The following RFC5 variants were observed in gnomAD, a reference collection of about 807,000 sequenced individuals.
The protein encoded by RFC5 is replication factor C subunit 5.
A neutral mutation model predicts 44.3 loss-of-function variants in RFC5; 26 were observed. The observed-to-expected ratio is 0.59, with a 90% CI of 0.43 to 0.81. RFC5 has a LOEUF of 0.81. RFC5 is among the 40% of genes least tolerant of loss of function. The pLI is 0.00. For missense variants in RFC5, 328 were observed against 418.6 expected, an observed-to-expected ratio of 0.78 and a Z score of 1.89; for synonymous variants, 155 against 155.2, an observed-to-expected ratio of 1.00 and a Z score of 0.01.
chr12:118,025,989 C>T (rs1044063138), intron 7 of RFC5, among the ~76,000 whole-genome samples, 161 bp downstream of exon 7: 2 of 151,678 alleles, frequency 1.3e-5, no homozygotes, highest in African/African-American at 4.8e-5. Flanking sequence ...ATTACAGGTG[C>T]CCGCCACCAC....
intron 7 of RFC5, 95 bp from the exon 8 acceptor site, chr12:118,026,794 C>T: frequency 7.2e-7 from 1 of 1,397,326 alleles, no homozygotes. Flanking sequence ...TGCTCACCTG[C>T]ATTGCTGCCT....
downstream of RFC5, chr12:118,035,096 G>C: frequency 6.2e-7 from 1 of 1,614,152 alleles, no homozygotes; most frequent in Non-Finnish European, 8.5e-7. Context: ...TGAGGAGTCT[G>C]GATGGGGAGA....
At chr12:118,032,539 C>G (rs1190002626), downstream of RFC5, 1 of 152,186 alleles carries the variant, frequency 6.6e-6, no homozygotes, top group Non-Finnish European at 1.5e-5. Context: ...ACGATCGTGG[C>G]TCGCTACAGC....
At chr12:118,027,622 A>C (rs572054451) in intron 8 of RFC5, among the ~76,000 whole-genome samples, 1 of 151,364 alleles carries the variant, frequency 6.6e-6, no homozygotes, top group Non-Finnish European at 1.5e-5. Context: ...CAGTGAGCCG[A>C]GGTCATGCCA....
At chr12:118,022,616 C>T (rs1242844379) in intron 5 of RFC5, among the ~76,000 whole-genome samples, 1 of 152,016 alleles carries the variant, frequency 6.6e-6, no homozygotes, top group Non-Finnish European at 1.5e-5. Context: ...AGGCATGCAC[C>T]ACCACACCCG....
chr12:118,026,532 G>A (rs909219496), intron 7 of RFC5, among the ~76,000 whole-genome samples: 1 of 152,192 alleles, frequency 6.6e-6, no homozygotes, highest in Admixed American at 6.5e-5. Context: ...CTAGGAGGTC[G>A]AGGCTACAGT....
the RFC5 span, among the ~76,000 whole-genome samples, chr12:118,038,847 A>G: frequency 2.0e-5 from 3 of 152,096 alleles, no homozygotes; most frequent in African/African-American, 4.8e-5. Context: ...CGCCCAGCTC[A>G]TTTTTGTACT....
chr12:118,029,643 C>T (rs1233071238), intron 9 of RFC5, 128 bp from the exon 10 acceptor site: 22 of 766,150 alleles, frequency 2.9e-5, no homozygotes, highest in Non-Finnish European at 7.2e-6. Context: ...GGTCTGGTAT[C>T]TAGTGAGCAG....
At position 118,031,236 on chromosome 12, in the gene RFC5, T is replaced by G. The variant is rs368413609; in HGVS notation, c.981T>G (p.Ala327=). ...AGATCCAGCTGAGCTCCCTCATTGCTGCATTTCAAGTCACCAGAGACCTGA... is the reference window on the plus strand; with the variant it reads ...AGATCCAGCTGAGCTCCCTCATTGCGGCATTTCAAGTCACCAGAGACCTGA... ...NEKIQLSSLI[A]AFQVTRDLIV... is the part of the protein sequence containing the mutation. The change falls in exon 11 of 11, where the codon GCT becomes GCG. Residue 327 remains alanine, a synonymous_variant. Coordinates refer to ENST00000454402, the MANE Select transcript of RFC5 (RefSeq NM_007370.7). The G allele has an allele frequency of 7.9e-5, 127 of 1,613,878 alleles. No individual in the cohort carries two copies. The highest frequency in any genetic ancestry group is 1.0e-4 in the Non-Finnish European group (123 of 1,179,920).
chr12:118,027,378 G>C (rs2031018812), intron 8 of RFC5: 1 of 194,860 alleles, frequency 5.1e-6, no homozygotes, highest in Admixed American at 5.8e-5. Context: ...AGCCTTTTTG[G>C]AAATGCATTT....
downstream of RFC5, chr12:118,034,922 T>TA (rs1209355713): frequency 5.7e-5 from 85 of 1,491,916 alleles, no homozygotes; most frequent in Non-Finnish European, 6.8e-5. Context: ...TTTCTTTCCT[T>TA]AAAAAGCTCC....
At chr12:118,022,022 T>C (rs182753157) in intron 4 of RFC5, among the ~76,000 whole-genome samples, 88 of 152,194 alleles carry the variant, frequency 5.8e-4, no homozygotes, top group Admixed American at 1.5e-3. Context: ...AGTAGCATGG[T>C]AGGGTGCCAT....
In RFC5 at chr12:118,018,792, G is replaced by A. The variant is rs2030283851; in HGVS notation, c.66-280G>A. On this transcript the variant is annotated intron_variant, in intron 1 of 10. Coordinates refer to ENST00000454402, the MANE Select transcript of RFC5 (RefSeq NM_007370.7). ...GCCCAGCTAATTTTTGTATTTTTTG[G>A]TATTTTTTATTGAATGGCATATTAT... Among the ~76,000 whole-genome samples, 3 of 151,882 alleles carry A rather than the reference G, an allele frequency of 2.0e-5. No homozygotes were observed. The South Asian group carries it at 6.2e-4, about 32-fold the overall frequency.
At chr12:118,017,030 T>G in intron 1 of RFC5, 138 bp downstream of exon 1, 1 of 700,834 alleles carries the variant, frequency 1.4e-6, no homozygotes, top group Admixed American at 2.2e-5. Flanking sequence ...GGGACCGACC[T>G]GCAGAGGTTT....
At chr12:118,022,054 A>C (rs1290706558) in intron 4 of RFC5, among the ~76,000 whole-genome samples, 2 of 152,226 alleles carry the variant, frequency 1.3e-5, no homozygotes, top group Non-Finnish European at 2.9e-5. Context: ...TGAAGATGCC[A>C]GAGGACACAG....
chr12:118,035,914 C>A (rs746175108), downstream of RFC5: 1 of 164,530 alleles, frequency 6.1e-6, no homozygotes, highest in African/African-American at 2.4e-5. Context: ...CACTAAGAAG[C>A]AATGAACCAG....
rs527327903 is a variant in RFC5 at position 118,021,523 on chromosome 12, A to G, written c.347+538A>G. 2.1e-4 allele frequency among the ~76,000 whole-genome samples: 32 copies of G among 152,132 alleles called. 3 individuals are homozygous for G. The highest frequency in any genetic ancestry group is 1.0e-3 in the Admixed American group (16 of 15,268). ...CCCAGCCTGCATTACCAAGTTCTTT[A>G]GGGAGCATTAACTTCATTTTTAGTT... On this transcript the variant is annotated intron_variant, in intron 4 of 10. Coordinates refer to ENST00000454402, the MANE Select transcript of RFC5 (RefSeq NM_007370.7).
At chr12:118,034,199 A>T (rs748421849), downstream of RFC5, 11 of 1,614,062 alleles carry the variant, frequency 6.8e-6, no homozygotes, top group South Asian at 1.1e-4. Context: ...GTGTTGCTTA[A>T]AAAGTCCTGT....
chr12:118,040,581 C>T, the RFC5 span, among the ~76,000 whole-genome samples: 313 of 150,200 alleles, frequency 2.1e-3, no homozygotes, highest in Middle Eastern at 3.4e-3. Flanking sequence ...ACCTTCATGG[C>T]AAAACCCCGT....
Sources: allele counts gnomAD v4.1 joint callset (sites outside exome capture counted in the v4.1 genomes callset), GRCh38; gene constraint gnomAD v4.1.1; transcripts MANE v1.5; gene names NCBI Gene and HGNC (gene_info 2026-07-23, HGNC 2026-07-21).